EDA: variants seen among roughly 807,000 people sequenced by gnomAD.
The protein encoded by EDA is ectodysplasin A.
EDA carries 2 observed loss-of-function variants against 23.6 expected under a neutral mutation model. The ratio of observed to expected loss-of-function variants is 0.08; its 90% CI spans 0.03 to 0.27. The LOEUF (loss-of-function observed/expected upper bound fraction) is 0.27, where lower values mean the gene tolerates loss of function less well. Among genes scored for constraint, EDA ranks in the 10% least tolerant of loss-of-function variants. The pLI is 1.00. For missense variants in EDA, 229 were observed against 324.2 expected, an observed-to-expected ratio of 0.71 and a Z score of 2.26; for synonymous variants, 131 against 132.0, an observed-to-expected ratio of 0.99 and a Z score of 0.05.
At chrX:69,861,356 C>G (rs904013310) in intron 1 of EDA, among the ~76,000 whole-genome samples, 7 of 111,513 alleles carry the variant, frequency 6.3e-5, no homozygotes, top group Admixed American at 1.9e-4. Context: ...ATATACTAAC[C>G]TTAAAACTTA....
intron 1 of EDA, among the ~76,000 whole-genome samples, chrX:69,634,933 A>C (rs1932741236): frequency 8.9e-6 from 1 of 112,150 alleles, no homozygotes; most frequent in East Asian, 2.8e-4. Context: ...TTAGATATAC[A>C]AATATTTACT....
At chrX:69,731,731 C>G (rs932148955) in intron 1 of EDA, among the ~76,000 whole-genome samples, 1 of 111,915 alleles carries the variant, frequency 8.9e-6, no homozygotes, top group Non-Finnish European at 1.9e-5. Flanking sequence ...TGTGAGCCAC[C>G]TTTATTCTCT....
rs1214461966 is a variant in EDA at position 69,670,380 on chromosome X, G to A, written c.396+53676G>A. On this transcript the variant is annotated intron_variant, in intron 1 of 7. Coordinates refer to ENST00000374552, the MANE Select transcript of EDA (RefSeq NM_001399.5). ...TTGATGATAGTGTACCTTAGAGAGGGCCCCTTTGGGTAGTAACTGTTTGCG... is the reference window on the plus strand; with the variant it reads ...TTGATGATAGTGTACCTTAGAGAGGACCCCTTTGGGTAGTAACTGTTTGCG... 5 of 304,373 alleles carry A rather than the reference G, an allele frequency of 1.6e-5. No individual in the cohort carries two copies. The East Asian group carries it at 2.4e-4, about 15-fold the overall frequency. 25.1% of individuals were successfully genotyped at this position (304,373 alleles called of 1,213,427 possible).
At chrX:69,788,945 C>T (rs935881978) in intron 1 of EDA, among the ~76,000 whole-genome samples, 9 of 112,429 alleles carry the variant, frequency 8.0e-5, no homozygotes, top group Admixed American at 3.8e-4. Flanking sequence ...ATCAGCGAGA[C>T]TCCGTGGGCG....
chrX:69,651,430 A>G (rs1933099763), intron 1 of EDA, among the ~76,000 whole-genome samples: 1 of 107,553 alleles, frequency 9.3e-6, no homozygotes, highest in African/African-American at 3.4e-5. Context: ...TTGAACATAC[A>G]GCTGAGAGAA....
chrX:69,819,898 C>CAAAAAAAAAAAAAAAAAAAAAAAAAAAA (rs61374631), intron 1 of EDA, among the ~76,000 whole-genome samples: 1 of 46,618 alleles, frequency 2.1e-5, no homozygotes, highest in Non-Finnish European at 4.5e-5. Flanking sequence ...CATGTGGAAG[C>CAAAAAAAAAAAAAAAAAAAAAAAAAAAA]AAAAAAAAAA....
chrX:69,896,675 A>G (rs939383847), intron 1 of EDA, among the ~76,000 whole-genome samples: 4 of 111,058 alleles, frequency 3.6e-5, no homozygotes, highest in Admixed American at 9.7e-5. Context: ...GGCAAGCCAT[A>G]TGGAATTAGT....
chrX:69,931,188 A>T (rs2018593217), intron 1 of EDA, among the ~76,000 whole-genome samples: 1 of 111,687 alleles, frequency 9.0e-6, no homozygotes, highest in South Asian at 3.8e-4. Flanking sequence ...GAGCCAAGAA[A>T]TAAACCCACA....
intron 1 of EDA, among the ~76,000 whole-genome samples, chrX:69,797,439 A>C (rs1013503226): frequency 8.9e-6 from 1 of 111,885 alleles, no homozygotes; most frequent in African/African-American, 3.2e-5. Flanking sequence ...AAAGAATGGG[A>C]TGATATATTC....
chrX:69,974,473 G>A (rs1010135682), intron 2 of EDA, among the ~76,000 whole-genome samples: 3 of 110,752 alleles, frequency 2.7e-5, no homozygotes, highest in Middle Eastern at 4.2e-3. Flanking sequence ...AACAAAAACC[G>A]AGGAAACACC....
intron 1 of EDA, among the ~76,000 whole-genome samples, chrX:69,843,400 C>T (rs1027132917): frequency 2.7e-5 from 3 of 111,820 alleles, no homozygotes; most frequent in Admixed American, 9.5e-5. Flanking sequence ...ATTCCTAATA[C>T]GGTCACATCA....
At chrX:70,021,937 G>T (rs2020039189) in intron 2 of EDA, among the ~76,000 whole-genome samples, 2 of 111,979 alleles carry the variant, frequency 1.8e-5, no homozygotes, top group African/African-American at 6.5e-5. Context: ...TATCAAATGA[G>T]ATGATAAATG....
chrX:69,753,695 T>A (rs887936778), intron 1 of EDA, among the ~76,000 whole-genome samples: 1 of 111,628 alleles, frequency 9.0e-6, no homozygotes, highest in Non-Finnish European at 1.9e-5. Context: ...CCCATTATTA[T>A]TGTCTGGGTG....
At chrX:69,897,204 A>G (rs946155999) in intron 1 of EDA, among the ~76,000 whole-genome samples, 5 of 111,027 alleles carry the variant, frequency 4.5e-5, no homozygotes, top group Non-Finnish European at 9.4e-5. Context: ...AGAAACTTTG[A>G]TATACACACT....
chrX:70,023,055 G>T, intron 2 of EDA, 163 bp from the exon 3 acceptor site: 1 of 340,850 alleles, frequency 2.9e-6, no homozygotes, highest in Non-Finnish European at 5.3e-6. Context: ...AAGACAGAAT[G>T]GGGAGGTTTG....
At position 69,829,036 on chromosome X, in the gene EDA, A is replaced by T. The variant is rs755321519; in HGVS notation, c.397-127991A>T. Among the ~76,000 whole-genome samples, 15 of 112,189 alleles carry T rather than the reference A, an allele frequency of 1.3e-4. No individual in the cohort carries two copies. In the South Asian group the frequency reaches 1.9e-3, roughly 14 times the overall value. ...AGTCCACTTATGCCCCTTCATCATC[A>T]TCCCCCATTATTCTCTATCATATCA... is the stretch of plus-strand genomic sequence containing the variant. On this transcript the variant is annotated intron_variant, in intron 1 of 7. Coordinates refer to ENST00000374552, the MANE Select transcript of EDA (RefSeq NM_001399.5).
chrX:69,929,702 A>ATT (rs33910062), intron 1 of EDA, among the ~76,000 whole-genome samples: 6 of 69,299 alleles, frequency 8.7e-5, no homozygotes, highest in East Asian at 1.7e-3. Context: ...ACTTCATTCT[A>ATT]TTTTTGTGTG....
chrX:69,789,213 A>T (rs995126802), intron 1 of EDA, among the ~76,000 whole-genome samples: 2 of 111,747 alleles, frequency 1.8e-5, no homozygotes, highest in Non-Finnish European at 3.8e-5. Flanking sequence ...AGTGAGATGA[A>T]CCCGGTACCT....
intron 1 of EDA, among the ~76,000 whole-genome samples, chrX:69,954,694 G>A (rs935106307): frequency 2.7e-5 from 3 of 111,879 alleles, no homozygotes; most frequent in African/African-American, 9.7e-5. Flanking sequence ...ACAGGTACAT[G>A]TGCAGAATGT....
Sources: allele counts gnomAD v4.1 joint callset (sites outside exome capture counted in the v4.1 genomes callset), GRCh38; gene constraint gnomAD v4.1.1; transcripts MANE v1.5; gene names NCBI Gene and HGNC (gene_info 2026-07-23, HGNC 2026-07-21).